SLC41A2: variants seen among roughly 807,000 people sequenced by gnomAD.
The protein encoded by SLC41A2 is SLC41A1-like 1.
SLC41A2 carries 32 observed loss-of-function variants against 58.3 expected under a neutral mutation model. That is an observed-to-expected ratio of 0.55 (90% CI 0.41 to 0.74). SLC41A2 has a LOEUF of 0.74. Among genes scored for constraint, SLC41A2 ranks in the 30% least tolerant of loss-of-function variants. The pLI, the probability that SLC41A2 is intolerant of heterozygous loss-of-function variation, is 0.00. For missense variants in SLC41A2, 514 were observed against 680.6 expected, an observed-to-expected ratio of 0.76 and a Z score of 2.72; for synonymous variants, 190 against 235.0, an observed-to-expected ratio of 0.81 and a Z score of 1.75.
At chr12:104,912,255 TG>T (rs1402368385) in intron 2 of SLC41A2, among the ~76,000 whole-genome samples, 1 of 152,190 alleles carries the variant, frequency 6.6e-6, no homozygotes, top group Non-Finnish European at 1.5e-5. Flanking sequence ...GATGTCTTTG[TG>T]TATGCTGATT....
chr12:104,816,206 G>A (rs1340548266), intron 10 of SLC41A2, among the ~76,000 whole-genome samples: 5 of 151,634 alleles, frequency 3.3e-5, no homozygotes, highest in African/African-American at 1.2e-4. Context: ...TTGTAGATAC[G>A]AAAAAACAAA....
At chr12:104,822,246 A>G (rs2041666903) in intron 10 of SLC41A2, among the ~76,000 whole-genome samples, 1 of 152,200 alleles carries the variant, frequency 6.6e-6, no homozygotes. Context: ...TATCCATAGA[A>G]TATTAAGGAA....
intron 10 of SLC41A2, among the ~76,000 whole-genome samples, chr12:104,835,564 AC>A (rs1414294799): frequency 6.6e-6 from 1 of 152,128 alleles, no homozygotes; most frequent in Non-Finnish European, 1.5e-5. Flanking sequence ...CCACTATAAA[AC>A]TTCCTCCCCA....
chr12:104,912,780 A>G (rs975315545), intron 2 of SLC41A2, among the ~76,000 whole-genome samples: 1 of 152,162 alleles, frequency 6.6e-6, no homozygotes, highest in African/African-American at 2.4e-5. Context: ...AGCGGAGGAC[A>G]GTCTTTTGGA....
rs2135886426 is a variant in SLC41A2, at chr12:104,928,359, T to C, written c.169A>G (p.Arg57Gly). 3 of 1,604,584 alleles carry C rather than the reference T, an allele frequency of 1.9e-6. No individual in the cohort carries two copies. The highest frequency in any genetic ancestry group is 3.3e-4 in the Middle Eastern group (2 of 6,056). The change falls in exon 2 of 11, where the codon AGG (arginine) becomes GGG (glycine). Residue 57 changes from arginine (R) to glycine (G), a missense_variant. Physicochemically the swap from Arg to Gly is moderately radical, Grantham distance 125. Transcript: ENST00000258538. ...CAAATGCCGTTTGCTTTTTTGTGCC[T>C]GTCTTCTTGGTTTTTCTGGTAAATC... The part of the protein sequence containing the change: ...PVIYQKNQED[R>G]HKKANGIWQD...
intron 10 of SLC41A2, among the ~76,000 whole-genome samples, chr12:104,832,748 G>T (rs1209809277): frequency 6.8e-6 from 1 of 146,426 alleles, no homozygotes. Flanking sequence ...AAGCTAAAAA[G>T]AAAAAAAAAA....
chr12:104,819,208 A>G (rs2136232080), intron 10 of SLC41A2, among the ~76,000 whole-genome samples: 1 of 152,354 alleles, frequency 6.6e-6, no homozygotes, highest in South Asian at 2.1e-4. Flanking sequence ...ACAGGTAGAA[A>G]TCAGTAACAG....
intron 1 of SLC41A2, among the ~76,000 whole-genome samples, chr12:104,956,556 G>A (rs1459661168): frequency 6.6e-6 from 1 of 152,244 alleles, no homozygotes; most frequent in African/African-American, 2.4e-5. Flanking sequence ...GTGTGTGCCT[G>A]TAGTCCCAGC....
chr12:104,821,043 T>C (rs1035145218), intron 10 of SLC41A2, among the ~76,000 whole-genome samples: 11 of 152,242 alleles, frequency 7.2e-5, no homozygotes, highest in Non-Finnish European at 1.3e-4. Flanking sequence ...TATATTGTTA[T>C]ACAAGAACTT....
At chr12:104,898,132 C>A (rs991920915) in intron 3 of SLC41A2, among the ~76,000 whole-genome samples, 1 of 151,900 alleles carries the variant, frequency 6.6e-6, no homozygotes, top group East Asian at 1.9e-4. Flanking sequence ...GAAAAATAGG[C>A]CATTATTTTT....
At chr12:104,848,914 A>ACG (rs1565838320) in intron 8 of SLC41A2, among the ~76,000 whole-genome samples, 1 of 152,052 alleles carries the variant, frequency 6.6e-6, no homozygotes, top group Non-Finnish European at 1.5e-5. Context: ...ACACACACAC[A>ACG]CACACACACC....
chr12:104,892,328 A>AAAAAAAAAAAAAAAAAAAAAAAC lies in SLC41A2; in HGVS notation c.735+2945_735+2946insGTTTTTTTTTTTTTTTTTTTTTT, dbSNP rs1272873332. ...AAATAAAATAAAATAAAATAAAATAAAATAAAATATTGATGCAAGAAATTG... is the reference window on the plus strand; with the variant it reads ...AAATAAAATAAAATAAAATAAAATAAAAAAAAAAAAAAAAAAAAAAAACAATAAAATATTGATGCAAGAAATTG... On this transcript the variant is annotated intron_variant, in intron 4 of 10. Coordinates refer to ENST00000258538, the MANE Select transcript of SLC41A2 (RefSeq NM_001352171.3). Among the ~76,000 whole-genome samples the AAAAAAAAAAAAAAAAAAAAAAAC allele has an allele frequency of 1.3e-4, 16 of 126,932 alleles. 2 individuals carry two copies. Among genetic ancestry groups the AAAAAAAAAAAAAAAAAAAAAAAC allele is most frequent in the Middle Eastern group, 3.9e-3 (1 of 258 alleles). 83.3% of individuals were successfully genotyped at this position (126,932 alleles called of 152,430 possible).
intron 6 of SLC41A2, among the ~76,000 whole-genome samples, chr12:104,885,453 T>G (rs977826028): frequency 6.6e-6 from 1 of 152,200 alleles, no homozygotes; most frequent in African/African-American, 2.4e-5. Flanking sequence ...AGATTTATTT[T>G]AAAGTACACC....
intron 3 of SLC41A2, among the ~76,000 whole-genome samples, chr12:104,899,070 T>C (rs1394367735): frequency 1.3e-5 from 2 of 152,314 alleles, no homozygotes; most frequent in East Asian, 1.9e-4. Flanking sequence ...GTTGACCTGA[T>C]GGTGGGAATG....
intron 6 of SLC41A2, among the ~76,000 whole-genome samples, chr12:104,882,824 T>C (rs1359188529): frequency 6.6e-6 from 1 of 152,236 alleles, no homozygotes; most frequent in Non-Finnish European, 1.5e-5. Flanking sequence ...AAGGAGTATC[T>C]TTGTGACGTT....
intron 1 of SLC41A2, among the ~76,000 whole-genome samples, chr12:104,952,686 T>C (rs1424974425): frequency 6.6e-6 from 1 of 152,228 alleles, no homozygotes; most frequent in Non-Finnish European, 1.5e-5. Context: ...CCTCATTTTC[T>C]ATTGTATTCC....
intron 1 of SLC41A2, among the ~76,000 whole-genome samples, chr12:104,936,722 C>T (rs576610225): frequency 2.0e-5 from 3 of 151,944 alleles, no homozygotes; most frequent in East Asian, 1.9e-4. Context: ...ATTACAGGAG[C>T]GACAAGATGA....
chr12:104,839,956 T>C (rs998413125), intron 10 of SLC41A2, among the ~76,000 whole-genome samples: 1 of 152,220 alleles, frequency 6.6e-6, no homozygotes, highest in African/African-American at 2.4e-5. Flanking sequence ...TTAAATTAAA[T>C]AGGGAAACAA....
At chr12:104,817,915 A>G (rs2468097) in intron 10 of SLC41A2, among the ~76,000 whole-genome samples, 97,560 of 151,778 alleles carry the variant, frequency 0.64, 31,879 homozygotes, top group African/African-American at 0.74. Flanking sequence ...GTGGTCTGTT[A>G]TTGACCAAAA....
Sources: gnomAD v4.1 joint callset for allele counts (sites outside exome capture counted in the v4.1 genomes callset) on GRCh38, gnomAD v4.1.1 for gene constraint, MANE v1.5 for transcripts, NCBI Gene and HGNC (gene_info 2026-07-23, HGNC 2026-07-21) for gene names.